Variants in USP15 observed in about 807,000 individuals in gnomAD.
The protein encoded by USP15 is ubiquitin specific peptidase 15, also known as ubiquitin carboxyl-terminal hydrolase 15.
A neutral mutation model predicts 127.1 loss-of-function variants in USP15; 18 were observed. That is an observed-to-expected ratio of 0.14 (90% CI 0.10 to 0.21). The LOEUF (loss-of-function observed/expected upper bound fraction) is 0.21. USP15 is among the 10% of genes least tolerant of loss of function. USP15 has a pLI of 1.00. For synonymous variants in USP15, 364 were observed against 393.7 expected (o/e 0.92, Z 0.89); for missense variants, 805 against 1,159.9 (o/e 0.69, Z 4.44).
intron 6 of USP15, among the ~76,000 whole-genome samples, chr12:62,345,167 T>C (rs2137401512): frequency 6.6e-6 from 1 of 152,340 alleles, no homozygotes; most frequent in Non-Finnish European, 1.5e-5. Context: ...GTTCCCATTA[T>C]AAAACTGAAT....
chr12:62,406,381 C>G lies in USP15; in HGVS notation c.*2006C>G, dbSNP rs959626782. On this transcript the variant is annotated 3_prime_UTR_variant, in exon 22 of 22. Coordinates refer to ENST00000280377, the MANE Select transcript of USP15 (RefSeq NM_001252078.2). ...CAGTAAACAAATATCCTTACCTTCA[C>G]AGAGCTTACATTCTTTCTGCCATCT... The G allele has an allele frequency of 6.6e-6, 1 of 152,154 alleles. No individual in the cohort carries two copies. Among genetic ancestry groups the G allele is most frequent in the African/African-American group, 2.4e-5 (1 of 41,432 alleles). 9.4% of individuals were successfully genotyped at this position (152,154 alleles called of 1,614,324 possible). A position where few individuals can be genotyped will look rare whatever the true frequency, so the allele number is the denominator to read the frequency against.
intron 1 of USP15, among the ~76,000 whole-genome samples, chr12:62,266,650 G>A (rs2063198839): frequency 6.6e-6 from 1 of 151,900 alleles, no homozygotes; most frequent in South Asian, 2.1e-4. Flanking sequence ...ATATTGGTAG[G>A]GAAATAAGGG....
At chr12:62,299,654 T>A (rs1283321156) in intron 2 of USP15, among the ~76,000 whole-genome samples, 1 of 152,232 alleles carries the variant, frequency 6.6e-6, no homozygotes, top group Non-Finnish European at 1.5e-5. Flanking sequence ...GTAGATAATG[T>A]GTTTTCCTTT....
chr12:62,285,463 T>G (rs2063761091), intron 1 of USP15, among the ~76,000 whole-genome samples: 1 of 152,180 alleles, frequency 6.6e-6, no homozygotes, highest in Non-Finnish European at 1.5e-5. Flanking sequence ...ATGGTGTTTG[T>G]GTCTTTGTGT....
chr12:62,310,618 T>C (rs1181991424), intron 3 of USP15, among the ~76,000 whole-genome samples: 2 of 151,728 alleles, frequency 1.3e-5, no homozygotes, highest in African/African-American at 4.9e-5. Context: ...ACAATATTTA[T>C]CCATTCATCC....
chr12:62,266,545 T>C (rs1047732439), intron 1 of USP15, among the ~76,000 whole-genome samples: 2 of 152,192 alleles, frequency 1.3e-5, no homozygotes, highest in Admixed American at 6.5e-5. Flanking sequence ...ATTTATCTTA[T>C]GATGTGAGTT....
At chr12:62,325,991 T>C (rs533225538) in intron 6 of USP15, 58 bp downstream of exon 6, 8 of 1,433,720 alleles carry the variant, frequency 5.6e-6, no homozygotes, top group Non-Finnish European at 7.7e-6. Context: ...TGATGCTAGA[T>C]AATCAAATCC....
intron 9 of USP15, among the ~76,000 whole-genome samples, chr12:62,382,584 A>AT (rs918113723): frequency 1.4e-4 from 21 of 151,752 alleles, no homozygotes; most frequent in African/African-American, 5.1e-4. Flanking sequence ...ATTTTGGTAG[A>AT]TTTTCTCTCT....
intron 6 of USP15, among the ~76,000 whole-genome samples, chr12:62,337,522 G>GT (rs778257723): frequency 9.9e-5 from 15 of 152,066 alleles, no homozygotes; most frequent in Non-Finnish European, 1.9e-4. Context: ...GTGCAGGTTT[G>GT]TTACATAGCT....
At chr12:62,290,679 T>A (rs2063936311) in intron 1 of USP15, among the ~76,000 whole-genome samples, 1 of 152,340 alleles carries the variant, frequency 6.6e-6, no homozygotes, top group African/African-American at 2.4e-5. Flanking sequence ...CTTTGTAGTT[T>A]CGTTGGTGTA....
intron 11 of USP15, among the ~76,000 whole-genome samples, chr12:62,388,454 A>G (rs1256526854): frequency 6.6e-6 from 1 of 152,164 alleles, no homozygotes; most frequent in African/African-American, 2.4e-5. Context: ...TTAAATAGTT[A>G]TTGAGATAAA....
At chr12:62,327,960 C>T (rs2065179939) in intron 6 of USP15, among the ~76,000 whole-genome samples, 1 of 151,996 alleles carries the variant, frequency 6.6e-6, no homozygotes, top group Non-Finnish European at 1.5e-5. Context: ...TACTGTAATA[C>T]AGAAAAAGAT....
intron 1 of USP15, among the ~76,000 whole-genome samples, chr12:62,292,990 G>C (rs996294348): frequency 7.9e-5 from 12 of 152,146 alleles, no homozygotes; most frequent in African/African-American, 2.9e-4. Flanking sequence ...TCCCCTGATG[G>C]ATATGCTCTG....
chr12:62,335,479 A>G (rs2065433329), intron 6 of USP15: 1 of 1,253,398 alleles, frequency 8.0e-7, no homozygotes, highest in Non-Finnish European at 1.0e-6. Flanking sequence ...CAGTCCCTCT[A>G]CTCTACCTGT....
chr12:62,389,367 ACT>A (rs1565907799), intron 11 of USP15, 62 bp from the exon 12 acceptor site: 1 of 1,329,778 alleles, frequency 7.5e-7, no homozygotes, highest in Non-Finnish European at 1.0e-6. Flanking sequence ...CCATGAGGTC[ACT>A]CTCATTTACT....
At chr12:62,282,339 A>G (rs1425092316) in intron 1 of USP15, among the ~76,000 whole-genome samples, 6 of 152,168 alleles carry the variant, frequency 3.9e-5, no homozygotes, top group Non-Finnish European at 8.8e-5. Context: ...CCAAAAAAAA[A>G]TAAATAAATA....
At chr12:62,355,718 T>C (rs2066101891) in intron 8 of USP15, among the ~76,000 whole-genome samples, 1 of 150,302 alleles carries the variant, frequency 6.7e-6, no homozygotes, top group Admixed American at 6.6e-5. Context: ...TTTGCAAAAA[T>C]ATAATATCAG....
At chr12:62,283,312 A>G (rs770446418) in intron 1 of USP15, among the ~76,000 whole-genome samples, 1 of 152,232 alleles carries the variant, frequency 6.6e-6, no homozygotes, top group Middle Eastern at 3.2e-3. Flanking sequence ...AATGTTGAAT[A>G]GAAAGGAACT....
chr12:62,349,084 G>T (rs2065898494), intron 6 of USP15, 137 bp from the exon 7 acceptor site: 2 of 491,878 alleles, frequency 4.1e-6, no homozygotes, highest in Non-Finnish European at 3.4e-6. Context: ...AAAACCAAAG[G>T]ATAATAGTGA....
Sources: allele counts gnomAD v4.1 joint callset (sites outside exome capture counted in the v4.1 genomes callset), GRCh38; gene constraint gnomAD v4.1.1; transcripts MANE v1.5; gene names NCBI Gene and HGNC (gene_info 2026-07-23, HGNC 2026-07-21).